ACAP1: variants seen among roughly 807,000 people sequenced by gnomAD.
ACAP1 encodes ArfGAP with coiled-coil, ankyrin repeat and PH domains 1.
A neutral mutation model predicts 98.8 loss-of-function variants in ACAP1; 45 were observed. The observed-to-expected ratio is 0.46, with a 90% CI of 0.36 to 0.58. ACAP1 has a LOEUF of 0.58. Ranked by LOEUF, ACAP1 falls within the 20% of genes least tolerant of loss-of-function variation. The probability of loss-of-function intolerance (pLI) is 0.00; values close to 1 mark genes in which losing one functional copy is unlikely to be tolerated. For synonymous variants in ACAP1, 362 were observed against 375.3 expected, an observed-to-expected ratio of 0.96 and a Z score of 0.41; for missense variants, 735 against 971.4, an observed-to-expected ratio of 0.76 and a Z score of 3.24.
At chr17:7,347,337 G>C (rs554710692) in intron 14 of ACAP1, 95 bp downstream of exon 14, 1 of 1,213,498 alleles carries the variant, frequency 8.2e-7, no homozygotes, top group East Asian at 2.5e-5. Context: ...TTCCTTCCCT[G>C]TCCTGGCTTC....
At chr17:7,349,774 C>A in intron 18 of ACAP1, 171 bp from the exon 19 acceptor site, 2 of 570,164 alleles carry the variant, frequency 3.5e-6, no homozygotes, top group Non-Finnish European at 3.1e-6. Context: ...TGAATACATG[C>A]AAAGAGCTAG....
intron 15 of ACAP1, 28 bp downstream of exon 15, chr17:7,348,019 G>A (rs771467829): frequency 1.2e-6 from 2 of 1,613,502 alleles, no homozygotes; most frequent in Non-Finnish European, 1.7e-6. Context: ...GAAGATTGGG[G>A]GCAAGAACTT....
At position 7,343,091 on chromosome 17, in the gene ACAP1, C is replaced by T. The variant is rs2073306676; in HGVS notation, c.345-288C>T. 1 of 338,916 alleles carries T rather than the reference C, an allele frequency of 3.0e-6. No individual in the cohort carries two copies. Among genetic ancestry groups the T allele is most frequent in the African/African-American group, 2.1e-5 (1 of 47,332 alleles). The allele number at this position is 338,916 out of a possible 1,614,324, so 21.0% of individuals were successfully genotyped here. A position where few individuals can be genotyped will look rare whatever the true frequency, so the allele number is the denominator to read the frequency against. ...CAAGACCCGGTCTCAAAAACAAAAA[C>T]AACAACAACAACAAAAATTTTTTAA... On this transcript the variant is annotated intron_variant, in intron 5 of 21. Coordinates refer to ENST00000158762, the MANE Select transcript of ACAP1 (RefSeq NM_014716.4). This position sits in a 1 kb window ranked among gnomAD's most constrained non-coding sequence, Gnocchi z 4.9.
At chr17:7,349,378 A>G in intron 18 of ACAP1, 1 of 490,564 alleles carries the variant, frequency 2.0e-6, no homozygotes, top group Admixed American at 3.8e-5. Flanking sequence ...CTTACAGGAG[A>G]CTTTTTTTTT....
rs1307507855 is a variant in ACAP1 at position 7,350,306 on chromosome 17, G to A, written c.2072+69G>A. On this transcript the variant is annotated intron_variant, in intron 20 of 21. Transcript: ENST00000158762. This position sits in a 1 kb window ranked among gnomAD's most constrained non-coding sequence, Gnocchi z 4.6. ...CACCCCCGCCCACCCACGTTCGGGCGGGCGGGCGGGGCTGACGCCGAAACA... is the reference window on the plus strand; with the variant it reads ...CACCCCCGCCCACCCACGTTCGGGCAGGCGGGCGGGGCTGACGCCGAAACA... 3 of 1,264,882 alleles carry A rather than the reference G, an allele frequency of 2.4e-6. No individual in the cohort carries two copies. The highest frequency in any genetic ancestry group is 2.5e-5 in the East Asian group (1 of 39,948). The allele number at this position is 1,264,882 out of a possible 1,614,324, so 78.4% of individuals were successfully genotyped here.
At chr17:7,346,611 C>A in intron 12 of ACAP1, 120 bp downstream of exon 12, 1 of 1,189,792 alleles carries the variant, frequency 8.4e-7, no homozygotes, top group African/African-American at 1.5e-5. Context: ...AATTCTTTGG[C>A]GGCTGGACTG....
intron 18 of ACAP1, 106 bp from the exon 19 acceptor site, chr17:7,349,839 C>A: frequency 1.1e-6 from 1 of 919,316 alleles, no homozygotes; most frequent in Non-Finnish European, 1.7e-6. Flanking sequence ...CTCCTGATTA[C>A]CACACTCCAC....
chr17:7,339,406 C>T (rs945366955), intron 2 of ACAP1, among the ~76,000 whole-genome samples: 1 of 152,080 alleles, frequency 6.6e-6, no homozygotes, highest in Non-Finnish European at 1.5e-5. Context: ...GTCAGGACTT[C>T]GAGAACAGCC....
At chr17:7,342,706 C>G in intron 5 of ACAP1, 1 of 579,572 alleles carries the variant, frequency 1.7e-6, no homozygotes, top group South Asian at 2.0e-5. Context: ...TCGAGACCAG[C>G]CTGTCTAACA....
chr17:7,346,995 C>T lies in ACAP1; in HGVS notation c.1132-36C>T, dbSNP rs548289274. 13 of 1,574,110 alleles carry T rather than the reference C, an allele frequency of 8.3e-6. No individual in the cohort carries two copies. The South Asian group carries it at 1.4e-4, about 17-fold the overall frequency. Reference sequence around the variant, plus strand: ...GAGATGGGGCACCCTTTACCCTAGGCCCCTTGGCCACCCTTTCTTCCCCTC... The same window carrying T: ...GAGATGGGGCACCCTTTACCCTAGGTCCCTTGGCCACCCTTTCTTCCCCTC... On this transcript the variant is annotated intron_variant, in intron 13 of 21. Transcript: ENST00000158762.
At chr17:7,342,115 G>A in intron 3 of ACAP1, 48 bp downstream of exon 3, 1 of 1,610,112 alleles carries the variant, frequency 6.2e-7, no homozygotes, top group Non-Finnish European at 8.5e-7. Context: ...GGGATGAGGA[G>A]GTGATGCTGT....
chr17:7,339,946 T>C (rs911268514), intron 2 of ACAP1, among the ~76,000 whole-genome samples: 4 of 152,090 alleles, frequency 2.6e-5, no homozygotes, highest in Non-Finnish European at 5.9e-5. Context: ...GAGATTTGGC[T>C]TCCCCCTCCC....
Position 7,343,676 on chromosome 17 carries a change from G to C in ACAP1, c.529-30G>C, listed in dbSNP as rs1183354777. On this transcript the variant is annotated intron_variant, in intron 6 of 21. Transcript: ENST00000158762. The surrounding 1 kb of genome is among the most constrained non-coding windows in gnomAD (Gnocchi z 4.9). ...TGCTGTGTCTTCAAGACTGATCTGG[G>C]GTTTTTTACGTCCTCTTTTACGTCC... 5.0e-6 allele frequency: 8 copies of C among 1,610,440 alleles called. No homozygotes were observed. Among genetic ancestry groups the C allele is most frequent in the Non-Finnish European group, 6.8e-6 (8 of 1,177,782 alleles).
At position 7,350,031 on chromosome 17, in the gene ACAP1, C is replaced by G; in HGVS notation, c.1938C>G (p.His646Gln). ...ADSAGRGPLHHATILGHTGLA... is the reference protein window; with the variant it reads ...ADSAGRGPLHQATILGHTGLA... ...GTGCGGGCCGGGGCCCGCTGCACCACGCAACCATTCTTGGCCACACGGGGT... is the reference window on the plus strand; with the variant it reads ...GTGCGGGCCGGGGCCCGCTGCACCAGGCAACCATTCTTGGCCACACGGGGT... The change falls in exon 19 of 22, where the codon CAC becomes CAG. Residue 646 changes from histidine to glutamine, a missense_variant. This residue lies in a region of ACAP1 where 142 missense variants were observed against 224.1 expected (regional missense o/e 0.63). Coordinates refer to ENST00000158762, the MANE Select transcript of ACAP1 (RefSeq NM_014716.4). The surrounding 1 kb of genome is among the most constrained non-coding windows in gnomAD (Gnocchi z 4.6). 1 of 1,613,358 alleles carries G rather than the reference C, an allele frequency of 6.2e-7. No individual in the cohort carries two copies. Among genetic ancestry groups the G allele is most frequent in the Non-Finnish European group, 8.5e-7 (1 of 1,179,430 alleles).
Position 7,348,997 on chromosome 17 carries a change from C to A in ACAP1, c.1681C>A (p.Pro561Thr), listed in dbSNP as rs772607998. 1.9e-6 allele frequency: 3 copies of A among 1,612,318 alleles called. No homozygotes were observed. The highest frequency in any genetic ancestry group is 1.3e-5 in the African/African-American group (1 of 74,814). The change falls in exon 18 of 22, where the codon CCC (proline) becomes ACC (threonine). Residue 561 changes from proline to threonine, a missense_variant and splice_region_variant. Pro to Thr is a conservative substitution (Grantham distance 38). This residue lies in a region of ACAP1 where 80 missense variants were observed against 64.4 expected (regional missense o/e 1.24). Coordinates refer to ENST00000158762, the MANE Select transcript of ACAP1 (RefSeq NM_014716.4). The part of the protein sequence containing the change: ...RPGSLRSKPE[P>T]PSEDLGSLHP... Reference sequence around the variant, plus strand: ...ACAGAACCAAATCCCCCGAACAGAGCCCCCCTCTGAGGACCTGGGAAGCCT... The same window carrying A: ...ACAGAACCAAATCCCCCGAACAGAGACCCCCTCTGAGGACCTGGGAAGCCT...
In ACAP1 at chr17:7,340,873, GT is replaced by G. The variant is rs575023207; in HGVS notation, c.112-1072del. Among the ~76,000 whole-genome samples, 30 of 151,874 alleles carry G rather than the reference GT, an allele frequency of 2.0e-4. No homozygotes were observed. The East Asian group carries it at 5.3e-3, about 27-fold the overall frequency. On this transcript the variant is annotated intron_variant, in intron 2 of 21. Coordinates refer to ENST00000158762, the MANE Select transcript of ACAP1 (RefSeq NM_014716.4). Reference sequence around the variant, plus strand: ...AAATAGAAAAATAAAAAGAGATGGGGTTTCACTATGTTGGTCAGGCTGATAT... The same window carrying G: ...AAATAGAAAAATAAAAAGAGATGGGGTTCACTATGTTGGTCAGGCTGATAT...
intron 21 of ACAP1, 86 bp from the exon 22 acceptor site, chr17:7,351,209 G>T: frequency 1.6e-6 from 2 of 1,241,832 alleles, no homozygotes; most frequent in Non-Finnish European, 2.3e-6. Flanking sequence ...CTCGGAGCGC[G>T]AGGTCCCCAG....
Position 7,346,413 on chromosome 17 carries a change from A to T in ACAP1, c.929A>T (p.Asp310Val). The change falls in exon 12 of 22, where the codon GAT becomes GTT. Residue 310 changes from aspartate (D) to valine (V), a missense_variant. Transcript: ENST00000158762. ...KYKDPVTVVV[D>V]DLRLCTVKLC... is the part of the protein sequence containing the mutation. ...CAGGACCCTGTGACTGTGGTGGTGG[A>T]TGACCTTCGTCTCTGCACAGTGAAA... 6.2e-7 allele frequency: 1 copy of T among 1,614,006 alleles called. No homozygotes were observed.
At chr17:7,336,979 C>T (rs1202077021) in intron 1 of ACAP1, among the ~76,000 whole-genome samples, 192 bp downstream of exon 1, 1 of 152,114 alleles carries the variant, frequency 6.6e-6, no homozygotes, top group Non-Finnish European at 1.5e-5. Flanking sequence ...GCATGCTCCT[C>T]CTGGCCTCTG....
Sources: gnomAD v4.1 joint callset for allele counts (sites outside exome capture counted in the v4.1 genomes callset) on GRCh38, gnomAD v4.1.1 for gene constraint, gnomAD v4.1.1 regional missense constraint, Gnocchi (gnomAD v3.1) non-coding constraint, MANE v1.5 for transcripts, NCBI Gene and HGNC (gene_info 2026-07-23, HGNC 2026-07-21) for gene names.